The following EPB41L5 variants were observed in gnomAD, a reference collection of about 807,000 sequenced individuals.
EPB41L5 encodes the protein band 4.1-like protein 5.
In EPB41L5, 55 loss-of-function variants were observed where a neutral mutation model predicts 106.6. The observed-to-expected ratio is 0.52, with a 90% CI of 0.42 to 0.65. The LOEUF is 0.65. EPB41L5 is among the 30% of genes least tolerant of loss of function. The probability of loss-of-function intolerance (pLI) is 0.00; values close to 1 mark genes in which losing one functional copy is unlikely to be tolerated. For synonymous variants in EPB41L5, 297 were observed against 306.7 expected (o/e 0.97, Z 0.33); for missense variants, 871 against 882.1 (o/e 0.99, Z 0.16).
chr2:120,017,261 G>T (rs1006038361), intron 1 of EPB41L5, among the ~76,000 whole-genome samples: 1 of 152,134 alleles, frequency 6.6e-6, no homozygotes, highest in Non-Finnish European at 1.5e-5. Context: ...TTGCTGTTAC[G>T]CATCATGAGG....
chr2:120,024,653 G>T (rs908724015), intron 2 of EPB41L5, among the ~76,000 whole-genome samples: 1 of 152,098 alleles, frequency 6.6e-6, no homozygotes, highest in African/African-American at 2.4e-5. Flanking sequence ...TAGAGATGGG[G>T]TTTCACCGTG....
At chr2:120,153,106 TAAG>T (rs1379991996) in intron 20 of EPB41L5, among the ~76,000 whole-genome samples, 3 of 152,182 alleles carry the variant, frequency 2.0e-5, no homozygotes, top group Admixed American at 2.0e-4. Flanking sequence ...TTATTGATTT[TAAG>T]ATCTTATTTT....
Position 120,027,101 on chromosome 2 carries a change from C to T in EPB41L5, c.180+7837C>T, listed in dbSNP as rs61666430. ...GACAAATCAGAACTCTCAGACCCTG[C>T]TGGTAGGAATGTAAAATGGCGCAGC... On this transcript the variant is annotated intron_variant, in intron 2 of 24. Transcript: ENST00000263713. Among the ~76,000 whole-genome samples the T allele has an allele frequency of 0.012, 1,774 of 152,294 alleles. 70 individuals are homozygous for T. In the East Asian group the frequency reaches 0.12, roughly 10 times the overall value.
chr2:120,049,045 A>G (rs558087405), intron 3 of EPB41L5, among the ~76,000 whole-genome samples: 30 of 152,224 alleles, frequency 2.0e-4, no homozygotes, highest in African/African-American at 6.0e-4. Flanking sequence ...TATAATTTCT[A>G]TTCCTTTACA....
At chr2:120,060,887 A>G (rs188782149) in intron 3 of EPB41L5, among the ~76,000 whole-genome samples, 9 of 152,284 alleles carry the variant, frequency 5.9e-5, no homozygotes, top group Admixed American at 5.2e-4. Flanking sequence ...TTATTTCATA[A>G]TAAAACCTTA....
At position 120,085,136 on chromosome 2, in the gene EPB41L5, C is replaced by G. The variant is rs1466045093; in HGVS notation, c.804-2035C>G. 2.6e-5 allele frequency among the ~76,000 whole-genome samples: 4 copies of G among 152,184 alleles called. No individual in the cohort carries two copies. In the East Asian group the frequency reaches 5.8e-4, roughly 22 times the overall value. On this transcript the variant is annotated intron_variant, in intron 10 of 24. Transcript: ENST00000263713. ...CTTCTCTCAACTCGTCAAAGTGATT[C>G]TCCGTCCAGCTTTGTTCCATTGCTG...
At chr2:120,132,302 C>G (rs1370423147) in intron 18 of EPB41L5, among the ~76,000 whole-genome samples, 1 of 152,120 alleles carries the variant, frequency 6.6e-6, no homozygotes, top group Non-Finnish European at 1.5e-5. Context: ...ATATCAGCTA[C>G]CAGATGGCCC....
intron 3 of EPB41L5, among the ~76,000 whole-genome samples, chr2:120,050,432 T>C (rs1256281453): frequency 6.6e-6 from 1 of 152,236 alleles, no homozygotes; most frequent in Admixed American, 6.5e-5. Context: ...TGATACCCTT[T>C]CTTCCAGTTG....
At chr2:120,062,558 A>T (rs1013579237) in intron 3 of EPB41L5, among the ~76,000 whole-genome samples, 3 of 152,226 alleles carry the variant, frequency 2.0e-5, no homozygotes, top group East Asian at 3.8e-4. Flanking sequence ...TTATATTTAC[A>T]AATTAAACTT....
intron 16 of EPB41L5, among the ~76,000 whole-genome samples, chr2:120,107,640 C>T (rs1204817104): frequency 6.6e-6 from 1 of 152,124 alleles, no homozygotes; most frequent in Non-Finnish European, 1.5e-5. Flanking sequence ...TTTGTCAGAT[C>T]CTTTCTAGAT....
chr2:120,047,206 T>A (rs897456197), intron 3 of EPB41L5, among the ~76,000 whole-genome samples: 25 of 152,312 alleles, frequency 1.6e-4, no homozygotes, highest in Admixed American at 6.5e-5. Flanking sequence ...AGAAAGTCAT[T>A]GTTAGCTTGA....
chr2:120,052,188 T>C (rs959844114), intron 3 of EPB41L5, among the ~76,000 whole-genome samples: 2 of 152,206 alleles, frequency 1.3e-5, no homozygotes. Flanking sequence ...GCGGTTTCCT[T>C]AGTCTTGCCT....
In EPB41L5 at chr2:120,078,572, T is replaced by G; in HGVS notation, c.794T>G (p.Leu265Ter). The G allele has an allele frequency of 1.2e-6, 2 of 1,605,082 alleles. No individual in the cohort carries two copies. The highest frequency in any genetic ancestry group is 1.7e-6 in the Non-Finnish European group (2 of 1,175,094). The change falls in exon 10 of 25, where the codon TTA becomes TGA. Residue 265 changes from leucine to a stop codon, truncating the protein, a stop_gained. Coordinates refer to ENST00000263713, the MANE Select transcript of EPB41L5 (RefSeq NM_020909.4). LOFTEE classifies it high-confidence loss of function. ...TTTGAAGGAGATACCAAAATTGGCT[T>G]ATTTTTTTGGTAAGCAAGAGTTATT... is the stretch of plus-strand genomic sequence containing the variant. ...LVFEGDTKIG[L>*]FFWPKITRLD... is the part of the protein sequence containing the mutation.
At position 120,019,154 on chromosome 2, in the gene EPB41L5, C is replaced by G; in HGVS notation, c.70C>G (p.Arg24Gly). 6.2e-7 allele frequency: 1 copy of G among 1,613,954 alleles called. No homozygotes were observed. The highest frequency in any genetic ancestry group is 2.2e-5 in the East Asian group (1 of 44,870). Residue 24 changes from arginine (R) to glycine (G), a missense_variant, in exon 2 of 25, where the codon CGA (arginine) becomes GGA (glycine). By Grantham distance (125) the Arg-to-Gly change is moderately radical. Transcript: ENST00000263713. The part of the protein sequence containing the change: ...MRKHAEKERL[R>G]EAQRAATHIP... ...TAAACATGCAGAGAAGGAACGACTC[C>G]GAGAAGCACAACGCGCCGCCACACA...
intron 22 of EPB41L5, among the ~76,000 whole-genome samples, chr2:120,166,640 G>T (rs1371567557): frequency 6.6e-6 from 1 of 152,210 alleles, no homozygotes; most frequent in Non-Finnish European, 1.5e-5. Flanking sequence ...GTTTCACCAT[G>T]TTGGCCAGGA....
chr2:120,024,023 A>G (rs747832913), intron 2 of EPB41L5, among the ~76,000 whole-genome samples: 69 of 152,116 alleles, frequency 4.5e-4, no homozygotes, highest in Non-Finnish European at 7.8e-4. Context: ...TTGCACATTG[A>G]TTTTGTATCC....
chr2:120,046,070 G>A (rs1331966132), intron 3 of EPB41L5, among the ~76,000 whole-genome samples: 3 of 152,100 alleles, frequency 2.0e-5, no homozygotes, highest in African/African-American at 7.2e-5. Flanking sequence ...ATGGGGTTTG[G>A]GTTGGTTCCA....
intron 11 of EPB41L5, 111 bp downstream of exon 11, chr2:120,087,351 C>T: frequency 1.6e-6 from 1 of 639,370 alleles, no homozygotes; most frequent in Non-Finnish European, 2.7e-6. Flanking sequence ...CCACAGAATG[C>T]AAACAGTATA....
intron 16 of EPB41L5, among the ~76,000 whole-genome samples, chr2:120,112,782 A>G (rs756365696): frequency 6.6e-6 from 1 of 152,230 alleles, no homozygotes; most frequent in Non-Finnish European, 1.5e-5. Context: ...CTTCTGTGCC[A>G]GACATTGTTC....
Sources: gnomAD v4.1 joint callset for allele counts (sites outside exome capture counted in the v4.1 genomes callset) on GRCh38, gnomAD v4.1.1 for gene constraint, MANE v1.5 for transcripts, NCBI Gene and HGNC (gene_info 2026-07-23, HGNC 2026-07-21) for gene names.